The following MYO10 variants were observed in gnomAD, a reference collection of about 807,000 sequenced individuals.
MYO10 encodes the protein unconventional myosin-X.
A neutral mutation model predicts 257.3 loss-of-function variants in MYO10; 133 were observed. That is an observed-to-expected ratio of 0.52 (90% CI 0.45 to 0.60). MYO10 has a LOEUF of 0.60. MYO10 is among the 20% of genes least tolerant of loss of function. MYO10 has a pLI of 0.00. For missense variants in MYO10, 2,399 were observed against 2,635.7 expected, an observed-to-expected ratio of 0.91 and a Z score of 1.97; for synonymous variants, 1,104 against 1,028.6, an observed-to-expected ratio of 1.07 and a Z score of -1.40.
intron 2 of MYO10, among the ~76,000 whole-genome samples, chr5:16,859,993 C>T (rs1364365963): frequency 2.6e-5 from 4 of 152,122 alleles, no homozygotes; most frequent in Non-Finnish European, 5.9e-5. Flanking sequence ...CAAAGACCAC[C>T]CTTGATGGCC....
intron 4 of MYO10, among the ~76,000 whole-genome samples, chr5:16,792,590 CGG>C (rs55727978): frequency 0.47 from 53,530 of 114,610 alleles, 10,936 homozygotes; most frequent in Non-Finnish European, 0.52. Context: ...GAGCGGGGGG[CGG>C]GGGGCTGCTC....
intron 1 of MYO10, among the ~76,000 whole-genome samples, chr5:16,901,541 C>T (rs1745378722): frequency 6.6e-6 from 1 of 152,258 alleles, no homozygotes; most frequent in Admixed American, 6.5e-5. Context: ...TCACCTTTCG[C>T]GTCCAACTCA....
chr5:16,740,777 A>C (rs1200585769), intron 19 of MYO10, among the ~76,000 whole-genome samples: 1 of 152,162 alleles, frequency 6.6e-6, no homozygotes, highest in Admixed American at 6.5e-5. Flanking sequence ...TTAACGTTGT[A>C]AGAGAGGTAG....
At chr5:16,853,298 C>T (rs190154982) in intron 2 of MYO10, among the ~76,000 whole-genome samples, 120 of 151,390 alleles carry the variant, frequency 7.9e-4, no homozygotes, top group Middle Eastern at 3.4e-3. Context: ...GGCATGAACC[C>T]GAGAGGCGGA....
chr5:16,742,152 AG>A (rs1368091795), intron 19 of MYO10: 8 of 985,294 alleles, frequency 8.1e-6, no homozygotes, highest in Admixed American at 6.1e-5. Flanking sequence ...TTTTAAAAAA[AG>A]TCCCAGGACA....
At chr5:16,694,275 T>C (rs1295880280) in intron 27 of MYO10, 96 bp downstream of exon 27, 22 of 1,559,680 alleles carry the variant, frequency 1.4e-5, no homozygotes, top group Non-Finnish European at 1.8e-5. Context: ...TGCTACAGGC[T>C]ACTGCCGCTG....
At chr5:16,684,369 A>C (rs907943546) in intron 29 of MYO10, among the ~76,000 whole-genome samples, 1 of 152,084 alleles carries the variant, frequency 6.6e-6, no homozygotes, top group Non-Finnish European at 1.5e-5. Context: ...CAGCCTCCTA[A>C]GTAGCTAGGA....
At chr5:16,875,591 GCA>G (rs1477399365) in intron 2 of MYO10, among the ~76,000 whole-genome samples, 2 of 152,018 alleles carry the variant, frequency 1.3e-5, no homozygotes, top group Non-Finnish European at 2.9e-5. Flanking sequence ...TATCCACAAA[GCA>G]CAGTTATATC....
At chr5:16,929,018 T>G (rs1746221560) in intron 1 of MYO10, among the ~76,000 whole-genome samples, 1 of 151,014 alleles carries the variant, frequency 6.6e-6, no homozygotes, top group South Asian at 2.1e-4. Flanking sequence ...AGTGGCGCGA[T>G]CTCAGCTCAC....
intron 9 of MYO10, among the ~76,000 whole-genome samples, chr5:16,770,504 T>C (rs1409520599): frequency 6.6e-6 from 1 of 152,150 alleles, no homozygotes; most frequent in East Asian, 1.9e-4. Flanking sequence ...TAAGATTTGC[T>C]GATTTTCTAC....
At chr5:16,707,882 G>C (rs192725371) in intron 21 of MYO10, among the ~76,000 whole-genome samples, 1 of 152,328 alleles carries the variant, frequency 6.6e-6, no homozygotes, top group Admixed American at 6.5e-5. Flanking sequence ...AGCCAGTTCA[G>C]ACCTGGAGCC....
intron 2 of MYO10, among the ~76,000 whole-genome samples, chr5:16,849,013 T>C (rs999660218): frequency 3.9e-5 from 6 of 152,198 alleles, no homozygotes; most frequent in African/African-American, 1.4e-4. Context: ...TGGAGTGCAG[T>C]GGCGCAATCA....
intron 9 of MYO10, among the ~76,000 whole-genome samples, chr5:16,772,305 T>C (rs1221746572): frequency 6.6e-6 from 1 of 152,080 alleles, no homozygotes; most frequent in Non-Finnish European, 1.5e-5. Context: ...GCTAATTTTG[T>C]ATATTTAGTA....
In MYO10 at chr5:16,732,299, G is replaced by A. The variant is rs1383098373; in HGVS notation, c.1930-21054C>T. Among the ~76,000 whole-genome samples, 9 of 152,248 alleles carry A rather than the reference G, an allele frequency of 5.9e-5. No individual in the cohort carries two copies. The East Asian group carries it at 1.5e-3, about 26-fold the overall frequency. On this transcript the variant is annotated intron_variant, in intron 19 of 40. Transcript: ENST00000513610. ...AGATTTGTTCCAAATCAGACCCAAA[G>A]CCCTGGTGAAGACAACAGAAGGTTC...
chr5:16,915,978 ATC>A, intron 1 of MYO10: 1 of 416,094 alleles, frequency 2.4e-6, no homozygotes, highest in South Asian at 1.7e-5. Flanking sequence ...AAAAAAAAAA[ATC>A]ACTCACCATA....
chr5:16,923,379 T>C (rs548345409), intron 1 of MYO10, among the ~76,000 whole-genome samples: 15 of 151,854 alleles, frequency 9.9e-5, no homozygotes, highest in Admixed American at 7.2e-4. Context: ...CTCCGCCTCC[T>C]GGGTTCATGC....
rs758956709 is a variant in MYO10, at chr5:16,676,051, T to C, written c.4646A>G (p.Tyr1549Cys). The C allele has an allele frequency of 6.2e-7, 1 of 1,610,330 alleles. No homozygotes were observed. Among genetic ancestry groups the C allele is most frequent in the East Asian group, 2.2e-5 (1 of 44,646 alleles). The change falls in exon 34 of 41, where the codon TAT becomes TGT. Residue 1549 changes from tyrosine to cysteine, a missense_variant. By Grantham distance (194) the Tyr-to-Cys change is radical. Around this residue, in one of 3 missense-constraint regions of MYO10, gnomAD observed 1,820 missense variants for 1,939.4 expected, o/e 0.94. Coordinates refer to ENST00000513610, the MANE Select transcript of MYO10 (RefSeq NM_012334.3). ...CTTACAGTTGAGATTTATGTCCCCATACGGAAGGGGCAGGAGCGGGGAGTG... is the reference window on the plus strand; with the variant it reads ...CTTACAGTTGAGATTTATGTCCCCACACGGAAGGGGCAGGAGCGGGGAGTG... The part of the protein sequence containing the change: ...PLHSPLLPLP[Y>C]GDINLNLLKD...
chr5:16,853,743 C>T (rs1015725571), intron 2 of MYO10, among the ~76,000 whole-genome samples: 18 of 152,152 alleles, frequency 1.2e-4, no homozygotes, highest in Admixed American at 3.3e-4. Context: ...TCATCTCTCC[C>T]GTCCAGGATG....
intron 19 of MYO10, chr5:16,741,941 G>A: frequency 3.0e-6 from 3 of 985,326 alleles, no homozygotes; most frequent in Non-Finnish European, 3.6e-6. Flanking sequence ...CCTTTTATGT[G>A]GTGCGTCTCG....
Sources: gnomAD v4.1 joint callset for allele counts (sites outside exome capture counted in the v4.1 genomes callset) on GRCh38, gnomAD v4.1.1 for gene constraint, gnomAD v4.1.1 regional missense constraint, MANE v1.5 for transcripts, NCBI Gene and HGNC (gene_info 2026-07-23, HGNC 2026-07-21) for gene names.